UNC13B: variants seen among roughly 807,000 people sequenced by gnomAD.
UNC13B encodes unc-13 homolog B.
In UNC13B, 144 loss-of-function variants were observed where a neutral mutation model predicts 211.0. The observed-to-expected ratio is 0.68, with a 90% confidence interval of 0.60 to 0.78. The LOEUF (loss-of-function observed/expected upper bound fraction) is 0.78, where lower values mean the gene tolerates loss of function less well. Ranked by LOEUF, UNC13B falls within the 30% of genes least tolerant of loss-of-function variation. The probability of loss-of-function intolerance (pLI) is 0.00; values close to 1 mark genes in which losing one functional copy is unlikely to be tolerated. For missense variants in UNC13B, 1,777 were observed against 2,002.0 expected (o/e 0.89, Z 2.14); for synonymous variants, 709 against 725.8 (o/e 0.98, Z 0.37).
chr9:35,277,250 G>A (rs571609380), intron 7 of UNC13B, among the ~76,000 whole-genome samples: 1 of 152,294 alleles, frequency 6.6e-6, no homozygotes, highest in Admixed American at 6.5e-5. Flanking sequence ...TTTTCTGGAA[G>A]ATGGCATCCT....
intron 11 of UNC13B, among the ~76,000 whole-genome samples, chr9:35,319,673 T>A (rs1444826443): frequency 1.3e-5 from 2 of 151,970 alleles, no homozygotes; most frequent in Non-Finnish European, 2.9e-5. Context: ...TTAATTTTAT[T>A]TTTTTGAGAT....
chr9:35,320,244 A>G (rs923349163), intron 11 of UNC13B, among the ~76,000 whole-genome samples: 1 of 152,100 alleles, frequency 6.6e-6, no homozygotes, highest in Non-Finnish European at 1.5e-5. Flanking sequence ...TTTTCTTTTC[A>G]TTATATACCC....
chr9:35,204,184 A>C (rs1823504953), intron 1 of UNC13B, among the ~76,000 whole-genome samples: 1 of 152,248 alleles, frequency 6.6e-6, no homozygotes, highest in Admixed American at 6.5e-5. Context: ...AAGCCTGTGG[A>C]TGCACAGAGT....
chr9:35,332,172 A>T (rs1044286452), intron 11 of UNC13B, among the ~76,000 whole-genome samples: 1 of 152,070 alleles, frequency 6.6e-6, no homozygotes, highest in African/African-American at 2.4e-5. Context: ...TTTAGTACAG[A>T]TGGGGATTCA....
chr9:35,211,280 A>G (rs1823951178), intron 1 of UNC13B, among the ~76,000 whole-genome samples: 1 of 152,226 alleles, frequency 6.6e-6, no homozygotes, highest in African/African-American at 2.4e-5. Context: ...TTTTTATCTT[A>G]TAAGCATATG....
rs372951899 is a variant in UNC13B, at chr9:35,306,342, A to G, written c.6938A>G (p.Asn2313Ser). The G allele has an allele frequency of 8.4e-4, 337 of 399,016 alleles. 12 individuals are homozygous for G. In the South Asian group the frequency reaches 0.036, roughly 43 times the overall value. The allele number at this position is 399,016 out of a possible 1,614,324, so 24.7% of individuals were successfully genotyped here. Residue 2313 changes from asparagine to serine, a missense_variant, in exon 9 of 40, where the codon AAT (asparagine) becomes AGT (serine). Coordinates refer to ENST00000635942, the MANE Select transcript of UNC13B (RefSeq NM_001371189.2). ...GACTGTCAGGAAAAACTGAGTTCCA[A>G]TATTGTACCAGGGACATCAGTGGAT... is the stretch of plus-strand genomic sequence containing the variant. ...DKDCQEKLSS[N>S]IVPGTSVDFQ...
At chr9:35,313,042 C>T (rs1262470982) in intron 10 of UNC13B, among the ~76,000 whole-genome samples, 1 of 152,036 alleles carries the variant, frequency 6.6e-6, no homozygotes, top group Non-Finnish European at 1.5e-5. Flanking sequence ...TGCAAAAGCC[C>T]CAAGGGAACT....
intron 6 of UNC13B, among the ~76,000 whole-genome samples, chr9:35,248,195 G>A (rs1194749250): frequency 1.3e-5 from 2 of 152,074 alleles, no homozygotes; most frequent in Admixed American, 1.3e-4. Flanking sequence ...GGGATCAGTG[G>A]TGATATCTCC....
intron 1 of UNC13B, among the ~76,000 whole-genome samples, chr9:35,207,084 C>T (rs1019024284): frequency 6.6e-6 from 1 of 152,084 alleles, no homozygotes; most frequent in South Asian, 2.1e-4. Flanking sequence ...TGTGGATTCC[C>T]ACCAGCAGTA....
chr9:35,319,527 G>C (rs1830634397), intron 11 of UNC13B, among the ~76,000 whole-genome samples: 4 of 151,250 alleles, frequency 2.6e-5, no homozygotes, highest in Admixed American at 2.6e-4. Context: ...CCCATGTAGT[G>C]AACATAGTAC....
At chr9:35,218,629 T>C (rs572621329) in intron 1 of UNC13B, among the ~76,000 whole-genome samples, 4 of 152,192 alleles carry the variant, frequency 2.6e-5, no homozygotes, top group African/African-American at 7.2e-5. Context: ...GCTCCTGGCC[T>C]GAAGGAGTTC....
In UNC13B at chr9:35,381,582, T is replaced by G; in HGVS notation, c.10518T>G (p.Ile3506Met). 1 of 1,614,104 alleles carries G rather than the reference T, an allele frequency of 6.2e-7. No homozygotes were observed. Among genetic ancestry groups the G allele is most frequent in the South Asian group, 1.1e-5 (1 of 91,070 alleles). Reference protein sequence around the residue: ...HENLFHYLTDIQGSGGVRIPE... With the variant: ...HENLFHYLTDMQGSGGVRIPE... ...ATCTTTTCCATTACCTCACAGACAT[T>G]CAGGGCAGTGGAGGAGTCCGCATCC... The change falls in exon 20 of 40, where the codon ATT (isoleucine) becomes ATG (methionine). Residue 3506 changes from isoleucine (I) to methionine (M), a missense_variant. By Grantham distance (10) the Ile-to-Met change is conservative (BLOSUM62 1). Transcript: ENST00000635942.
At chr9:35,289,549 T>C (rs1828980021) in intron 7 of UNC13B, among the ~76,000 whole-genome samples, 1 of 152,196 alleles carries the variant, frequency 6.6e-6, no homozygotes. Context: ...TCCTGTATGA[T>C]CTTTACAGTA....
chr9:35,335,711 A>G (rs1460497468), intron 11 of UNC13B, among the ~76,000 whole-genome samples: 1 of 142,654 alleles, frequency 7.0e-6, no homozygotes, highest in Non-Finnish European at 1.5e-5. Flanking sequence ...TTTTTTTTTA[A>G]AGGGGTCTTG....
chr9:35,250,063 C>A (rs1826367673), intron 6 of UNC13B, among the ~76,000 whole-genome samples: 1 of 151,864 alleles, frequency 6.6e-6, no homozygotes, highest in South Asian at 2.1e-4. Context: ...ACCACAACTC[C>A]AAATCAGATT....
At chr9:35,190,626 T>G (rs1042793723) in intron 1 of UNC13B, among the ~76,000 whole-genome samples, 7 of 152,090 alleles carry the variant, frequency 4.6e-5, no homozygotes, top group African/African-American at 1.7e-4. Flanking sequence ...GGAAGTTATC[T>G]TAGGGCCTGT....
chr9:35,284,311 T>C (rs935354830), intron 7 of UNC13B, among the ~76,000 whole-genome samples: 5 of 152,158 alleles, frequency 3.3e-5, no homozygotes, highest in Non-Finnish European at 7.4e-5. Flanking sequence ...GGTTATGATT[T>C]GTATATTTTT....
chr9:35,298,289 G>A (rs759703446), intron 8 of UNC13B, among the ~76,000 whole-genome samples: 22 of 152,154 alleles, frequency 1.4e-4, no homozygotes, highest in Admixed American at 2.6e-4. Flanking sequence ...ATGTGGTGGC[G>A]CATGCCTATG....
chr9:35,184,810 GGGGGGAGAGA>G (rs1329555232), intron 1 of UNC13B, among the ~76,000 whole-genome samples: 9 of 105,570 alleles, frequency 8.5e-5, no homozygotes, highest in Non-Finnish European at 1.1e-4. Context: ...GCGGGGGGGG[GGGGGGAGAGA>G]GAGAGAGAGA....
Sources: gnomAD v4.1 joint callset for allele counts (sites outside exome capture counted in the v4.1 genomes callset) on GRCh38, gnomAD v4.1.1 for gene constraint, MANE v1.5 for transcripts, NCBI Gene and HGNC (gene_info 2026-07-23, HGNC 2026-07-21) for gene names.